Variants in CACNA1E observed in about 807,000 individuals in gnomAD.
The protein encoded by CACNA1E is voltage-dependent R-type calcium channel subunit alpha-1E.
In CACNA1E, 40 loss-of-function variants were observed where a neutral mutation model predicts 259.2. The observed-to-expected ratio is 0.15, with a 90% CI of 0.12 to 0.20. CACNA1E has a LOEUF of 0.20. CACNA1E is among the 10% of genes least tolerant of loss of function. The probability of loss-of-function intolerance (pLI) is 1.00; values close to 1 mark genes in which losing one functional copy is unlikely to be tolerated. For synonymous variants in CACNA1E, 1,104 were observed against 1,138.5 expected (o/e 0.97, Z 0.61); for missense variants, 1,874 against 3,040.1 (o/e 0.62, Z 9.02).
intron 1 of CACNA1E, among the ~76,000 whole-genome samples, chr1:181,365,314 T>A (rs115768458): frequency 2.3e-3 from 344 of 152,352 alleles, no homozygotes; most frequent in African/African-American, 8.1e-3. Context: ...ACTATGGGCA[T>A]GTACAACCAC....
chr1:181,612,028 A>G (rs1342993674), intron 6 of CACNA1E, among the ~76,000 whole-genome samples: 2 of 152,368 alleles, frequency 1.3e-5, no homozygotes, highest in African/African-American at 4.8e-5. Flanking sequence ...AAGAGCAGAG[A>G]CTGTCAAGTC....
At position 181,786,397 on chromosome 1, in the gene CACNA1E, A is replaced by G. The variant is rs182629629; in HGVS notation, c.5786+578A>G. ...CTAACTGAGGTTAACTACGTTGCCT[A>G]AAGTCCTGGGTAGTAGAATGTGGAA... On this transcript the variant is annotated intron_variant, in intron 43 of 47. Coordinates refer to ENST00000367573, the MANE Select transcript of CACNA1E (RefSeq NM_001205293.3). Among the ~76,000 whole-genome samples, 334 of 151,568 alleles carry G rather than the reference A, an allele frequency of 2.2e-3. 2 individuals carry two copies. Among genetic ancestry groups the G allele is most frequent in the African/African-American group, 7.9e-3 (327 of 41,510 alleles).
At chr1:181,506,801 A>T (rs1411816366) in intron 1 of CACNA1E, among the ~76,000 whole-genome samples, 1 of 151,488 alleles carries the variant, frequency 6.6e-6, no homozygotes, top group African/African-American at 2.5e-5. Context: ...TTTAAAGAAC[A>T]GGGCTGTAAG....
intron 1 of CACNA1E, among the ~76,000 whole-genome samples, chr1:181,484,555 G>A (rs978121587): frequency 3.9e-5 from 6 of 152,202 alleles, no homozygotes; most frequent in Admixed American, 2.6e-4. Context: ...AGGCTTTTGG[G>A]TGGGGACTCA....
At chr1:181,412,457 T>G (rs1657923455) in intron 1 of CACNA1E, among the ~76,000 whole-genome samples, 1 of 152,042 alleles carries the variant, frequency 6.6e-6, no homozygotes, top group African/African-American at 2.4e-5. Flanking sequence ...GTGGTTCCAG[T>G]TACTCAGGAG....
chr1:181,497,295 A>G (rs1465699732), intron 1 of CACNA1E, among the ~76,000 whole-genome samples: 1 of 152,248 alleles, frequency 6.6e-6, no homozygotes, highest in Admixed American at 6.5e-5. Context: ...AAGCAAAGGA[A>G]TAGATTCTAG....
At chr1:181,439,527 A>G (rs1660314168) in intron 2 of CACNA1E, among the ~76,000 whole-genome samples, 1 of 152,134 alleles carries the variant, frequency 6.6e-6, no homozygotes, top group South Asian at 2.1e-4. Flanking sequence ...CCCCTTAAGG[A>G]CAGGGCTGCA....
intron 2 of CACNA1E, among the ~76,000 whole-genome samples, chr1:181,423,691 A>C (rs565924088): frequency 2.1e-4 from 22 of 103,894 alleles, no homozygotes; most frequent in Non-Finnish European, 3.4e-4. Flanking sequence ...TGGCCTTTTG[A>C]AAGGCGGCCA....
At chr1:181,447,598 C>T (rs1156348080) in intron 2 of CACNA1E, among the ~76,000 whole-genome samples, 1 of 151,726 alleles carries the variant, frequency 6.6e-6, no homozygotes, top group African/African-American at 2.4e-5. Context: ...TTTTCTGTTA[C>T]TGCCTTTACA....
chr1:181,530,842 C>T (rs1408353658), intron 3 of CACNA1E, among the ~76,000 whole-genome samples: 1 of 152,108 alleles, frequency 6.6e-6, no homozygotes, highest in Non-Finnish European at 1.5e-5. Flanking sequence ...AGCTGCTGGG[C>T]TGGAGAGGTA....
At chr1:181,355,453 T>TG (rs1431622030) in intron 1 of CACNA1E, among the ~76,000 whole-genome samples, 6 of 152,222 alleles carry the variant, frequency 3.9e-5, no homozygotes, top group African/African-American at 1.4e-4. Flanking sequence ...CAGTGCATGA[T>TG]GGCACGTGCC....
At position 181,738,354 on chromosome 1, in the gene CACNA1E, A is replaced by G; in HGVS notation, c.3553-13A>G. ...ACACATGGTCATTTCCTTCCACCAT[A>G]TGTGTCTTTCAGGTCCTGAGGTATT... On this transcript the variant is annotated splice_polypyrimidine_tract_variant and intron_variant, in intron 23 of 47. Transcript: ENST00000367573. 1.9e-6 allele frequency: 3 copies of G among 1,609,714 alleles called. No individual in the cohort carries two copies. Among genetic ancestry groups the G allele is most frequent in the Middle Eastern group, 1.7e-4 (1 of 6,046 alleles).
At chr1:181,791,964 A>G (rs1339494464) in intron 44 of CACNA1E, among the ~76,000 whole-genome samples, 4 of 152,206 alleles carry the variant, frequency 2.6e-5, no homozygotes, top group Admixed American at 1.3e-4. Context: ...AGAATCGTGC[A>G]TGGTTGTGTG....
chr1:181,739,491 A>G (rs1034586412), intron 25 of CACNA1E, among the ~76,000 whole-genome samples: 2 of 152,192 alleles, frequency 1.3e-5, no homozygotes, highest in African/African-American at 4.8e-5. Flanking sequence ...GGGAGAAGTC[A>G]GAGGCCCTAG....
At chr1:181,671,577 T>C (rs1358246913) in intron 7 of CACNA1E, among the ~76,000 whole-genome samples, 7 of 152,202 alleles carry the variant, frequency 4.6e-5, no homozygotes, top group African/African-American at 2.4e-5. Context: ...ACAGCCTGCA[T>C]TGATCTGACC....
intron 3 of CACNA1E, among the ~76,000 whole-genome samples, chr1:181,571,776 C>A (rs1009269376): frequency 1.3e-5 from 2 of 152,162 alleles, no homozygotes; most frequent in African/African-American, 4.8e-5. Flanking sequence ...TGGGTAATTT[C>A]TGGAGCTTGG....
chr1:181,800,068 T>C lies in CACNA1E; in HGVS notation c.*1234T>C, dbSNP rs1470113776. 1.1e-4 allele frequency: 17 copies of C among 152,700 alleles called. No individual in the cohort carries two copies. Among genetic ancestry groups the C allele is most frequent in the Admixed American group, 1.1e-3 (17 of 15,280 alleles). 9.5% of individuals were successfully genotyped at this position (152,700 alleles called of 1,614,324 possible). A position where few individuals can be genotyped will look rare whatever the true frequency, so the allele number is the denominator to read the frequency against. ...TGTAAAGATGGGAAAGGCTGATAGATTGAAATAAGCTTCTGTGAAAGTCTG... is the reference window on the plus strand; with the variant it reads ...TGTAAAGATGGGAAAGGCTGATAGACTGAAATAAGCTTCTGTGAAAGTCTG... On this transcript the variant is annotated 3_prime_UTR_variant, in exon 48 of 48. Transcript: ENST00000367573.
chr1:181,531,937 T>C (rs1211089376), intron 3 of CACNA1E, among the ~76,000 whole-genome samples: 1 of 152,180 alleles, frequency 6.6e-6, no homozygotes, highest in Non-Finnish European at 1.5e-5. Flanking sequence ...GTACCTGTAA[T>C]CCCAGCTACT....
chr1:181,611,639 C>T (rs1654762582), intron 6 of CACNA1E, among the ~76,000 whole-genome samples: 1 of 152,122 alleles, frequency 6.6e-6, no homozygotes, highest in Non-Finnish European at 1.5e-5. Context: ...CCCTATCCCA[C>T]TAGATAATTT....
Sources: gnomAD v4.1 joint callset for allele counts (sites outside exome capture counted in the v4.1 genomes callset) on GRCh38, gnomAD v4.1.1 for gene constraint, MANE v1.5 for transcripts, NCBI Gene and HGNC (gene_info 2026-07-23, HGNC 2026-07-21) for gene names.